GALK2: variants seen among roughly 807,000 people sequenced by gnomAD.
The protein encoded by GALK2 is galactokinase 2, also known as N-acetylgalactosamine kinase.
In GALK2, 36 loss-of-function variants were observed where a neutral mutation model predicts 52.4. That is an observed-to-expected ratio of 0.69 (90% CI 0.53 to 0.91). GALK2 has a LOEUF of 0.91. Ranked by LOEUF, GALK2 falls within the 40% of genes least tolerant of loss-of-function variation. The probability of loss-of-function intolerance (pLI) is 0.00; values close to 1 mark genes in which losing one functional copy is unlikely to be tolerated. For synonymous variants in GALK2, 176 were observed against 199.1 expected, an observed-to-expected ratio of 0.88 and a Z score of 0.98; for missense variants, 579 against 559.1, an observed-to-expected ratio of 1.04 and a Z score of -0.36.
At chr15:49,325,801 CAG>C (rs954963075) in intron 9 of GALK2, among the ~76,000 whole-genome samples, 1 of 152,184 alleles carries the variant, frequency 6.6e-6, no homozygotes, top group Non-Finnish European at 1.5e-5. Context: ...AGGGTGGTGA[CAG>C]AGCAGCTCTG....
chr15:49,265,291 C>T (rs529125871), intron 5 of GALK2, among the ~76,000 whole-genome samples: 139 of 152,356 alleles, frequency 9.1e-4, no homozygotes, highest in Non-Finnish European at 1.8e-3. Context: ...CGCCCTCCCC[C>T]AGCCTGGCTG....
chr15:49,288,492 G>A (rs1474465333), intron 7 of GALK2, among the ~76,000 whole-genome samples: 5 of 152,188 alleles, frequency 3.3e-5, no homozygotes, highest in African/African-American at 1.2e-4. Flanking sequence ...TTTGTCTGGT[G>A]ATAGAATGGG....
intron 3 of GALK2, among the ~76,000 whole-genome samples, chr15:49,351,641 A>T (rs901526945): frequency 6.6e-6 from 1 of 152,094 alleles, no homozygotes; most frequent in Non-Finnish European, 1.5e-5. Context: ...AGCGTGTAGG[A>T]GGCTTATTTG....
chr15:49,366,639 A>T, intron 3 of GALK2: 4 of 1,578,646 alleles, frequency 2.5e-6, no homozygotes, highest in Non-Finnish European at 8.7e-7. Flanking sequence ...AGGAAGCCCC[A>T]GAGCAGGGCG....
intron 3 of GALK2, among the ~76,000 whole-genome samples, chr15:49,344,743 C>G (rs2041227355): frequency 6.6e-6 from 1 of 152,282 alleles, no homozygotes; most frequent in Non-Finnish European, 1.5e-5. Flanking sequence ...CCCACTTTGG[C>G]TGTCACAGAC....
chr15:49,229,724 G>A (rs895397635), intron 3 of GALK2, among the ~76,000 whole-genome samples: 1 of 152,170 alleles, frequency 6.6e-6, no homozygotes, highest in Non-Finnish European at 1.5e-5. Flanking sequence ...TGCCCAGGTG[G>A]TGGTGGCAGT....
chr15:49,172,918 T>C (rs1314759138), intron 1 of GALK2, among the ~76,000 whole-genome samples: 1 of 152,226 alleles, frequency 6.6e-6, no homozygotes, highest in Non-Finnish European at 1.5e-5. Flanking sequence ...TCACGTATCA[T>C]ATAACTAATT....
intron 7 of GALK2, among the ~76,000 whole-genome samples, chr15:49,290,003 G>A (rs553249903): frequency 4.6e-5 from 7 of 152,178 alleles, no homozygotes; most frequent in Non-Finnish European, 1.0e-4. Context: ...AAAGAAAGTG[G>A]TGAATGTGGA....
intron 5 of GALK2, among the ~76,000 whole-genome samples, chr15:49,258,361 G>A (rs548533173): frequency 5.2e-4 from 79 of 152,126 alleles, no homozygotes; most frequent in South Asian, 3.5e-3. Context: ...AAGGAAGTAA[G>A]GGAAGTTCTG....
intron 8 of GALK2, among the ~76,000 whole-genome samples, chr15:49,317,659 C>A (rs1010350777): frequency 6.6e-6 from 1 of 152,114 alleles, no homozygotes; most frequent in African/African-American, 2.4e-5. Flanking sequence ...GGAACCAACC[C>A]AAATGCCCAT....
intron 1 of GALK2, among the ~76,000 whole-genome samples, chr15:49,186,513 T>C (rs988771016): frequency 1.3e-5 from 2 of 151,796 alleles, no homozygotes; most frequent in African/African-American, 4.8e-5. Context: ...GATTCTGAAT[T>C]TTTTCTCTGT....
chr15:49,340,774 C>G (rs995168091), intron 3 of GALK2, among the ~76,000 whole-genome samples: 1 of 152,086 alleles, frequency 6.6e-6, no homozygotes, highest in Non-Finnish European at 1.5e-5. Flanking sequence ...TTAATTAGGT[C>G]CCACTTGTCA....
At chr15:49,294,759 T>A (rs1255983848) in intron 8 of GALK2, among the ~76,000 whole-genome samples, 2 of 152,156 alleles carry the variant, frequency 1.3e-5, no homozygotes, top group Admixed American at 1.3e-4. Context: ...AAGGTATTTA[T>A]CAAGAACCCT....
At chr15:49,165,447 G>C (rs2084788750), upstream of GALK2, among the ~76,000 whole-genome samples, 1 of 152,162 alleles carries the variant, frequency 6.6e-6, no homozygotes, top group Non-Finnish European at 1.5e-5. Flanking sequence ...TTGAGTGCCT[G>C]CTCAACACTG....
intron 1 of GALK2, among the ~76,000 whole-genome samples, chr15:49,182,548 T>A (rs1469564913): frequency 6.6e-6 from 1 of 152,154 alleles, no homozygotes; most frequent in African/African-American, 2.4e-5. Context: ...TATTTTTAAT[T>A]TTTTGAAGAA....
intron 5 of GALK2, among the ~76,000 whole-genome samples, chr15:49,260,136 G>A (rs2092029226): frequency 1.3e-5 from 2 of 152,084 alleles, no homozygotes; most frequent in Non-Finnish European, 2.9e-5. Context: ...TCTAGTTCTA[G>A]ATCCCTGAGG....
intron 1 of GALK2, among the ~76,000 whole-genome samples, chr15:49,159,973 A>T (rs920809032): frequency 1.3e-5 from 2 of 152,126 alleles, no homozygotes; most frequent in Non-Finnish European, 2.9e-5. Flanking sequence ...TCATTATTAC[A>T]TATAAGATTA....
chr15:49,328,104 A>G lies in GALK2; in HGVS notation c.1322A>G (p.Gln441Arg). Residue 441 changes from glutamine to arginine, a missense_variant, in exon 10 of 10, where the codon CAA becomes CGA. Coordinates refer to ENST00000560031, the MANE Select transcript of GALK2 (RefSeq NM_002044.4). ...RSDGSLAPEKQSLFATKPGGG... is the reference protein window; with the variant it reads ...RSDGSLAPEKRSLFATKPGGG... Reference sequence around the variant, plus strand: ...GATGGAAGCTTAGCACCGGAGAAGCAAAGTTTGTTTGCTACCAAACCTGGA... The same window carrying G: ...GATGGAAGCTTAGCACCGGAGAAGCGAAGTTTGTTTGCTACCAAACCTGGA... The G allele has an allele frequency of 6.2e-7, 1 of 1,614,154 alleles. No homozygotes were observed. The highest frequency in any genetic ancestry group is 8.5e-7 in the Non-Finnish European group (1 of 1,180,018).
chr15:49,180,947 G>T (rs942638162), intron 1 of GALK2, among the ~76,000 whole-genome samples: 1 of 152,034 alleles, frequency 6.6e-6, no homozygotes, highest in African/African-American at 2.4e-5. Context: ...ACTGTATTTG[G>T]CCGACTTATC....
Sources: gnomAD v4.1 joint callset for allele counts (sites outside exome capture counted in the v4.1 genomes callset) on GRCh38, gnomAD v4.1.1 for gene constraint, MANE v1.5 for transcripts, NCBI Gene and HGNC (gene_info 2026-07-23, HGNC 2026-07-21) for gene names.